The following MYZAP variants were observed in gnomAD, a reference collection of about 807,000 sequenced individuals.
MYZAP encodes the protein myocardial zonula adherens protein.
Under a neutral mutation model 69.4 loss-of-function variants are expected in MYZAP, and 66 were observed. The ratio of observed to expected loss-of-function variants is 0.95; its 90% CI spans 0.78 to 1.17. MYZAP has a LOEUF of 1.17. MYZAP is among the 50% of genes most tolerant of loss of function. The pLI, the probability that MYZAP is intolerant of heterozygous loss-of-function variation, is 0.00. For synonymous variants in MYZAP, 256 were observed against 205.9 expected (o/e 1.24, Z -2.09); for missense variants, 611 against 556.2 (o/e 1.10, Z -0.99).
At chr15:57,672,989 T>G (rs536301842) in intron 11 of MYZAP, among the ~76,000 whole-genome samples, 8 of 152,328 alleles carry the variant, frequency 5.3e-5, no homozygotes, top group African/African-American at 1.9e-4. Flanking sequence ...GGGTTGCAAA[T>G]CATGCCATAT....
intron 10 of MYZAP, among the ~76,000 whole-genome samples, chr15:57,644,471 A>G (rs980848866): frequency 1.3e-5 from 2 of 152,084 alleles, no homozygotes; most frequent in African/African-American, 4.8e-5. Flanking sequence ...TTAGAGACAA[A>G]GTCTTGCCCT....
intron 1 of MYZAP, 32 bp from the exon 2 acceptor site, chr15:57,604,236 TC>T (rs779051692): frequency 6.2e-7 from 1 of 1,611,580 alleles, no homozygotes; most frequent in Admixed American, 1.7e-5. Flanking sequence ...AAATGCTGAC[TC>T]CTAACTGGCC....
chr15:57,618,272 T>C lies in MYZAP; in HGVS notation c.318+84T>C, dbSNP rs1255620714. Reference sequence around the variant, plus strand: ...ATGGAGTTGGAAGCATTGAAGTGAATGTAATAAGGCATTTTGAAAGAATTC... The same window carrying C: ...ATGGAGTTGGAAGCATTGAAGTGAACGTAATAAGGCATTTTGAAAGAATTC... On this transcript the variant is annotated intron_variant, in intron 3 of 12. Transcript: ENST00000267853. The C allele has an allele frequency of 2.6e-6, 4 of 1,528,358 alleles. No individual in the cohort carries two copies. In the African/African-American group the frequency reaches 4.2e-5, roughly 16 times the overall value. The allele number at this position is 1,528,358 out of a possible 1,614,324, so 94.7% of individuals were successfully genotyped here.
intron 4 of MYZAP, among the ~76,000 whole-genome samples, chr15:57,623,261 A>G (rs557212692): frequency 1.3e-5 from 2 of 152,364 alleles, no homozygotes; most frequent in African/African-American, 2.4e-5. Flanking sequence ...CTTACAGAGA[A>G]CAATTCAGCA....
chr15:57,632,300 C>A, intron 6 of MYZAP, 134 bp from the exon 7 acceptor site: 1 of 1,418,266 alleles, frequency 7.1e-7, no homozygotes, highest in Non-Finnish European at 9.5e-7. Context: ...TTAGGTCTTG[C>A]TGTGTCTCTC....
At chr15:57,600,767 GA>G (rs1449314667) in intron 1 of MYZAP, among the ~76,000 whole-genome samples, 5 of 152,180 alleles carry the variant, frequency 3.3e-5, no homozygotes, top group South Asian at 2.1e-4. Context: ...CATATAGGAT[GA>G]TGATAATATC....
intron 2 of MYZAP, among the ~76,000 whole-genome samples, chr15:57,608,767 C>T (rs1254270892): frequency 6.6e-6 from 1 of 152,212 alleles, no homozygotes; most frequent in Non-Finnish European, 1.5e-5. Flanking sequence ...TTTTTACCCC[C>T]TTAGACCTTC....
intron 11 of MYZAP, among the ~76,000 whole-genome samples, chr15:57,673,458 G>A (rs2038966077): frequency 6.9e-6 from 1 of 144,036 alleles, no homozygotes; most frequent in Non-Finnish European, 1.5e-5. Context: ...GCGCATGCGT[G>A]CATGCGTGTG....
At chr15:57,666,802 G>T (rs1459450979) in intron 11 of MYZAP, among the ~76,000 whole-genome samples, 2 of 152,060 alleles carry the variant, frequency 1.3e-5, no homozygotes, top group African/African-American at 4.8e-5. Flanking sequence ...ACCTGCACAT[G>T]TGCCCTCTGA....
intron 8 of MYZAP, among the ~76,000 whole-genome samples, chr15:57,635,474 C>T (rs796457878): frequency 3.9e-5 from 6 of 152,304 alleles, no homozygotes; most frequent in African/African-American, 1.4e-4. Context: ...ATGGAGCCCT[C>T]ATGTGGGATG....
chr15:57,677,568 TCTAA>T (rs1456119458), intron 12 of MYZAP, among the ~76,000 whole-genome samples: 1 of 152,270 alleles, frequency 6.6e-6, no homozygotes, highest in Admixed American at 6.5e-5. Context: ...CAAATTTGCA[TCTAA>T]CTAATAAAAG....
At chr15:57,659,353 T>C (rs1262503473) in intron 10 of MYZAP, among the ~76,000 whole-genome samples, 2 of 152,184 alleles carry the variant, frequency 1.3e-5, no homozygotes, top group African/African-American at 4.8e-5. Flanking sequence ...TATGTTCTTA[T>C]TGTTTCCAAG....
In MYZAP at chr15:57,633,527, A is replaced by G. The variant is rs550455447; in HGVS notation, c.805-86A>G. ...GGTCATGTTTTAAAGAGAAATCGTG[A>G]TCTAGCAAGGCCTGAGCTGATTGGA... On this transcript the variant is annotated intron_variant, in intron 7 of 12. Transcript: ENST00000267853. 2.1e-6 allele frequency: 3 copies of G among 1,412,170 alleles called. No homozygotes were observed. In the African/African-American group the frequency reaches 4.4e-5, roughly 20 times the overall value. The allele number at this position is 1,412,170 out of a possible 1,614,324, so 87.5% of individuals were successfully genotyped here. A position where few individuals can be genotyped will look rare whatever the true frequency, so the allele number is the denominator to read the frequency against.
At chr15:57,604,989 G>GA (rs1244012902) in intron 2 of MYZAP, among the ~76,000 whole-genome samples, 2 of 152,196 alleles carry the variant, frequency 1.3e-5, no homozygotes, top group Non-Finnish European at 2.9e-5. Context: ...CGGAATCTGG[G>GA]AACACAGAGA....
At chr15:57,646,521 G>A (rs1331164578) in intron 10 of MYZAP, 34 of 1,024,078 alleles carry the variant, frequency 3.3e-5, no homozygotes, top group Non-Finnish European at 3.7e-5. Context: ...GAAAGATCCA[G>A]GTGGAGGCTT....
chr15:57,628,812 T>G (rs1444671720), intron 5 of MYZAP, among the ~76,000 whole-genome samples: 2 of 151,664 alleles, frequency 1.3e-5, no homozygotes, highest in East Asian at 3.9e-4. Context: ...AGGCCGGGCG[T>G]GGTGGCTCAC....
chr15:57,647,349 G>T (rs2433198), intron 10 of MYZAP: 535,571 of 985,042 alleles, frequency 0.54, 146,514 homozygotes, highest in East Asian at 0.9. Flanking sequence ...GACAGAGGCA[G>T]ATTTGAGAAT....
intron 1 of MYZAP, among the ~76,000 whole-genome samples, chr15:57,602,975 C>G (rs559856069): frequency 6.3e-4 from 96 of 152,224 alleles, no homozygotes; most frequent in African/African-American, 2.3e-3. Context: ...TGACTTTGCC[C>G]CTAAGTCACC....
intron 2 of MYZAP, among the ~76,000 whole-genome samples, chr15:57,611,834 G>T (rs1486156417): frequency 6.6e-6 from 1 of 152,018 alleles, no homozygotes; most frequent in Non-Finnish European, 1.5e-5. Context: ...TGAACACCTG[G>T]GCTCAAGTAT....
Sources: gnomAD v4.1 joint callset for allele counts (sites outside exome capture counted in the v4.1 genomes callset) on GRCh38, gnomAD v4.1.1 for gene constraint, MANE v1.5 for transcripts, NCBI Gene and HGNC (gene_info 2026-07-23, HGNC 2026-07-21) for gene names.